Variants in HTR2C observed in about 807,000 individuals in gnomAD.
HTR2C encodes 5-hydroxytryptamine receptor 2C, also known as 5-hydroxytryptamine (serotonin) receptor 2C, G protein-coupled.
A neutral mutation model predicts 21.0 loss-of-function variants in HTR2C; 5 were observed. The observed-to-expected ratio is 0.24, with a 90% confidence interval of 0.12 to 0.50. HTR2C has a LOEUF of 0.50. Among genes scored for constraint, HTR2C ranks in the 20% least tolerant of loss-of-function variants. HTR2C has a pLI of 0.98. For missense variants in HTR2C, 271 were observed against 371.2 expected (o/e 0.73, Z 2.22); for synonymous variants, 150 against 145.3 (o/e 1.03, Z -0.23).
intron 4 of HTR2C, among the ~76,000 whole-genome samples, chrX:114,844,841 A>G (rs899577158): frequency 8.9e-6 from 1 of 111,905 alleles, no homozygotes; most frequent in Non-Finnish European, 1.9e-5. Context: ...TATGTACCTA[A>G]CAACAGAGCC....
At chrX:114,860,640 T>TATTCTTTCTTTTGTAAAAAGAA (rs1556472668) in intron 5 of HTR2C, among the ~76,000 whole-genome samples, 1 of 111,569 alleles carries the variant, frequency 9.0e-6, no homozygotes. Context: ...GTTTCTTTAT[T>TATTCTTTCTTTTGTAAAAAGAA]ATTCTTTCTT....
intron 2 of HTR2C, among the ~76,000 whole-genome samples, chrX:114,628,954 T>C (rs1184625841): frequency 8.9e-6 from 1 of 112,262 alleles, no homozygotes; most frequent in Non-Finnish European, 1.9e-5. Context: ...TTTTTCGGAA[T>C]GATGAATTAG....
chrX:114,790,750 T>A (rs1345785184), intron 4 of HTR2C, among the ~76,000 whole-genome samples: 3 of 112,142 alleles, frequency 2.7e-5, no homozygotes, highest in Non-Finnish European at 5.6e-5. Flanking sequence ...TTAAATAGAT[T>A]ATGACATTTT....
chrX:114,774,126 A>G (rs782740140), intron 4 of HTR2C, among the ~76,000 whole-genome samples: 8 of 112,325 alleles, frequency 7.1e-5, no homozygotes, highest in Non-Finnish European at 1.3e-4. Flanking sequence ...ATCCCTGCTT[A>G]TGAGGGAGTT....
At chrX:114,820,150 G>A (rs782753756) in intron 4 of HTR2C, among the ~76,000 whole-genome samples, 1 of 109,523 alleles carries the variant, frequency 9.1e-6, no homozygotes, top group African/African-American at 3.3e-5. Flanking sequence ...TTCTTTCAGT[G>A]GGGGGCATAG....
At chrX:114,744,595 G>T (rs1556425801) in intron 4 of HTR2C, among the ~76,000 whole-genome samples, 1 of 109,022 alleles carries the variant, frequency 9.2e-6, no homozygotes, top group Non-Finnish European at 1.9e-5. Flanking sequence ...CGGGACTACA[G>T]GCGCCGGCCC....
intron 5 of HTR2C, among the ~76,000 whole-genome samples, chrX:114,867,800 A>G (rs1556475091): frequency 9.0e-6 from 1 of 111,590 alleles, no homozygotes; most frequent in East Asian, 2.8e-4. Flanking sequence ...ATCTTTGTGA[A>G]GAATGAGTTC....
chrX:114,851,359 A>G (rs1366491975), intron 5 of HTR2C, among the ~76,000 whole-genome samples: 1 of 112,305 alleles, frequency 8.9e-6, no homozygotes, highest in Non-Finnish European at 1.9e-5. Context: ...AATTCAAAAG[A>G]AATAGAAATG....
intron 5 of HTR2C, 68 bp from the exon 6 acceptor site, chrX:114,906,521 T>C: frequency 1.3e-6 from 1 of 769,777 alleles, no homozygotes; most frequent in Non-Finnish European, 1.9e-6. Flanking sequence ...AATTAATGTA[T>C]GCCGTTGAAT....
At chrX:114,617,453 A>G (rs782611136) in intron 2 of HTR2C, among the ~76,000 whole-genome samples, 2 of 112,400 alleles carry the variant, frequency 1.8e-5, no homozygotes, top group African/African-American at 6.4e-5. Context: ...AAGAAAAAAA[A>G]GAAAGAAAAA....
intron 2 of HTR2C, among the ~76,000 whole-genome samples, chrX:114,625,170 T>C (rs12845201): frequency 0.13 from 14,180 of 110,836 alleles, 766 homozygotes; most frequent in South Asian, 0.31. Context: ...CTCCCCTTAG[T>C]ATTCTGCCAT....
chrX:114,771,467 A>T, intron 4 of HTR2C, among the ~76,000 whole-genome samples: 1 of 111,305 alleles, frequency 9.0e-6, no homozygotes, highest in Non-Finnish European at 1.9e-5. Context: ...TTCCAAGGAG[A>T]TTTTTGTGGG....
At chrX:114,749,126 C>CAA (rs200570971) in intron 4 of HTR2C, among the ~76,000 whole-genome samples, 311 of 104,543 alleles carry the variant, frequency 3.0e-3, no homozygotes, top group South Asian at 0.019. Flanking sequence ...AATAAAATGT[C>CAA]AAAAAAAAAC....
In HTR2C at chrX:114,902,425, A is replaced by G. The variant is rs781905463; in HGVS notation, c.551-4164A>G. ...GCTTATGCGGCTTATATTTATTGAT[A>G]TTTATGGTATTAGAAATTAAAACTG... On this transcript the variant is annotated intron_variant, in intron 5 of 5. Coordinates refer to ENST00000276198, the MANE Select transcript of HTR2C (RefSeq NM_000868.4). 9.9e-5 allele frequency among the ~76,000 whole-genome samples: 11 copies of G among 111,145 alleles called. No individual in the cohort carries two copies. In the East Asian group the frequency reaches 2.5e-3, roughly 26 times the overall value.
chrX:114,597,075 C>T (rs143929574), intron 1 of HTR2C, among the ~76,000 whole-genome samples: 1,301 of 109,198 alleles, frequency 0.012, 16 homozygotes, highest in African/African-American at 0.041. Flanking sequence ...AAAATTATCC[C>T]GGCGTGGTTG....
At chrX:114,698,443 CACACACACACACACAA>C (rs1294921282) in intron 2 of HTR2C, among the ~76,000 whole-genome samples, 2 of 29,152 alleles carry the variant, frequency 6.9e-5, no homozygotes, top group African/African-American at 1.9e-4. Context: ...GGCACAAACA[CACACACACACACACAA>C]ACACACACAC....
intron 4 of HTR2C, among the ~76,000 whole-genome samples, chrX:114,749,257 TG>T (rs1442361758): frequency 9.2e-6 from 1 of 108,196 alleles, no homozygotes; most frequent in African/African-American, 3.4e-5. Context: ...GAGACCAGCC[TG>T]GGCAGCATGG....
rs781808577 is a variant in HTR2C at position 114,878,795 on chromosome X, T to A, written c.551-27794T>A. Reference sequence around the variant, plus strand: ...GAAAATATGGGGGCTATTTCCAGAATCTTTTGTTATTAATTTCCGACATAA... The same window carrying A: ...GAAAATATGGGGGCTATTTCCAGAAACTTTTGTTATTAATTTCCGACATAA... On this transcript the variant is annotated intron_variant, in intron 5 of 5. Coordinates refer to ENST00000276198, the MANE Select transcript of HTR2C (RefSeq NM_000868.4). Among the ~76,000 whole-genome samples the A allele has an allele frequency of 2.7e-5, 3 of 110,888 alleles. No homozygotes were observed. In the East Asian group the frequency reaches 8.5e-4, roughly 31 times the overall value.
At chrX:114,893,135 G>T (rs1480358513) in intron 5 of HTR2C, among the ~76,000 whole-genome samples, 3 of 109,443 alleles carry the variant, frequency 2.7e-5, no homozygotes, top group Non-Finnish European at 5.7e-5. Context: ...GGCTGGTCTT[G>T]ATCTCCTGAC....
Sources: gnomAD v4.1 joint callset for allele counts (sites outside exome capture counted in the v4.1 genomes callset) on GRCh38, gnomAD v4.1.1 for gene constraint, MANE v1.5 for transcripts, NCBI Gene and HGNC (gene_info 2026-07-23, HGNC 2026-07-21) for gene names.